Variants in TULP4 observed in about 807,000 individuals in gnomAD.
The protein encoded by TULP4 is tubby-related protein 4.
Under a neutral mutation model 129.0 loss-of-function variants are expected in TULP4, and 16 were observed. The observed-to-expected ratio is 0.12, with a 90% CI of 0.08 to 0.19. The LOEUF (loss-of-function observed/expected upper bound fraction) is 0.19. Among genes scored for constraint, TULP4 ranks in the 10% least tolerant of loss-of-function variants. TULP4 has a pLI of 1.00. For synonymous variants in TULP4, 998 were observed against 854.0 expected, an observed-to-expected ratio of 1.17 and a Z score of -2.94; for missense variants, 1,842 against 2,059.1, an observed-to-expected ratio of 0.89 and a Z score of 2.04.
In TULP4 at chr6:158,495,795, A is replaced by C. The variant is rs1780323703; in HGVS notation, c.1870+949A>C. Reference sequence around the variant, plus strand: ...GCGGAGGTTGCTGTGAGCCGAGATCACGCCACTGCACTCCAGCCTGGGCAA... The same window carrying C: ...GCGGAGGTTGCTGTGAGCCGAGATCCCGCCACTGCACTCCAGCCTGGGCAA... On this transcript the variant is annotated intron_variant, in intron 11 of 13. Transcript: ENST00000367097. Among the ~76,000 whole-genome samples the C allele has an allele frequency of 3.3e-5, 5 of 151,924 alleles. No homozygotes were observed. In the South Asian group the frequency reaches 1.0e-3, roughly 32 times the overall value.
intron 1 of TULP4, among the ~76,000 whole-genome samples, chr6:158,236,795 CTTTTTTTTTTTTTTTTTTTTTTT>C (rs71030149): frequency 8.1e-4 from 51 of 63,304 alleles, no homozygotes; most frequent in East Asian, 2.3e-3. Flanking sequence ...CAATTCTTTT[CTTTTTTTTTTTTTTTTTTTTTTT>C]TTTTTTTTTT....
intron 1 of TULP4, among the ~76,000 whole-genome samples, chr6:158,268,148 G>T (rs1778485061): frequency 6.7e-6 from 1 of 148,446 alleles, no homozygotes; most frequent in Non-Finnish European, 1.5e-5. Flanking sequence ...CGATTCTTCT[G>T]CCCCAGCCTC....
chr6:158,319,339 A>C (rs552024895), intron 1 of TULP4, among the ~76,000 whole-genome samples: 1 of 152,316 alleles, frequency 6.6e-6, no homozygotes, highest in South Asian at 2.1e-4. Context: ...ATTTAAGGGA[A>C]TCATCAAAAG....
At chr6:158,480,071 C>A in intron 7 of TULP4, 96 bp downstream of exon 7, 1 of 939,712 alleles carries the variant, frequency 1.1e-6, no homozygotes, top group Non-Finnish European at 1.6e-6. Context: ...AGAGTGAGCA[C>A]ATGGGGCCAT....
chr6:158,268,398 C>G (rs1229711558), intron 1 of TULP4, among the ~76,000 whole-genome samples: 1 of 152,118 alleles, frequency 6.6e-6, no homozygotes, highest in Non-Finnish European at 1.5e-5. Flanking sequence ...ATGGCTCATT[C>G]ATCATCCTGA....
rs187946542 is a variant in TULP4 at position 158,301,850 on chromosome 6, T to C, written n.117-10201T>C. On this transcript the variant is annotated intron_variant and non_coding_transcript_variant, in intron 1 of 1. Coordinates refer to the TULP4 transcript ENST00000432358. ...CACACAGCATAGAAAACAAGTTAGATGGCGCGTATGTTGAAATGCCTAAAG... is the reference window on the plus strand; with the variant it reads ...CACACAGCATAGAAAACAAGTTAGACGGCGCGTATGTTGAAATGCCTAAAG... Among the ~76,000 whole-genome samples the C allele has an allele frequency of 8.8e-5, 13 of 148,440 alleles. No individual in the cohort carries two copies. The Admixed American group carries it at 8.9e-4, about 10-fold the overall frequency.
At chr6:158,232,845 G>C (rs1040579595) in intron 1 of TULP4, among the ~76,000 whole-genome samples, 7 of 152,222 alleles carry the variant, frequency 4.6e-5, no homozygotes, top group Admixed American at 1.3e-4. Flanking sequence ...AAGCCCCCGG[G>C]CGAGCCGGGT....
At chr6:158,280,541 G>A (rs116975870), upstream of TULP4, among the ~76,000 whole-genome samples, 1,872 of 152,362 alleles carry the variant, frequency 0.012, 22 homozygotes, top group Admixed American at 0.026. Context: ...TGGTCAGGAG[G>A]AGTCCCTGCA....
chr6:158,381,573 G>A (rs1583818403), intron 1 of TULP4, among the ~76,000 whole-genome samples: 2 of 152,222 alleles, frequency 1.3e-5, no homozygotes, highest in South Asian at 4.1e-4. Context: ...CCATATTCCA[G>A]TCATAGGGCT....
chr6:158,347,067 G>A (rs1780330361), intron 1 of TULP4, among the ~76,000 whole-genome samples: 1 of 152,038 alleles, frequency 6.6e-6, no homozygotes, highest in Non-Finnish European at 1.5e-5. Flanking sequence ...TTTCTTATAG[G>A]GCTTTCAGCG....
At chr6:158,365,919 T>C (rs1217178345) in intron 1 of TULP4, among the ~76,000 whole-genome samples, 1 of 102,890 alleles carries the variant, frequency 9.7e-6, no homozygotes, top group African/African-American at 3.9e-5. Context: ...TTTTTTTTTT[T>C]TGAGATGGAG....
At position 158,502,209 on chromosome 6, in the gene TULP4, C is replaced by A. The variant is rs1474303069; in HGVS notation, c.2546C>A (p.Ala849Glu). ...ATCCCCGCTGCCCCCACCACAGCAG[C>A]ACCCCCGCCCCCTCTGCCGCCCCCA... ...GTIPAAPTTA[A>E]PPPPLPPPQP... The change falls in exon 13 of 14, where the codon GCA becomes GAA. Residue 849 changes from alanine (A) to glutamate (E), a missense_variant. By Grantham distance (107) the Ala-to-Glu change is moderately radical. This residue lies in a region of TULP4 where 1,089 missense variants were observed against 987.1 expected (regional missense o/e 1.10). Coordinates refer to ENST00000367097, the MANE Select transcript of TULP4 (RefSeq NM_020245.5). 1 of 1,493,974 alleles carries A rather than the reference C, an allele frequency of 6.7e-7. No individual in the cohort carries two copies. Among genetic ancestry groups the A allele is most frequent in the Non-Finnish European group, 9.0e-7 (1 of 1,107,874 alleles). 92.5% of individuals were successfully genotyped at this position (1,493,974 alleles called of 1,614,324 possible). A position where few individuals can be genotyped will look rare whatever the true frequency, so the allele number is the denominator to read the frequency against.
intron 1 of TULP4, chr6:158,238,179 G>C (rs994454767): frequency 3.8e-6 from 3 of 784,774 alleles, no homozygotes; most frequent in Admixed American, 3.5e-5. Flanking sequence ...ATATTCTCTT[G>C]AGAAATTTTC....
At chr6:158,324,720 G>A (rs56075516) in intron 1 of TULP4, among the ~76,000 whole-genome samples, 26,299 of 152,124 alleles carry the variant, frequency 0.17, 2,698 homozygotes, top group Middle Eastern at 0.25. Context: ...TCTCTCTACA[G>A]CTTTGTATTA....
chr6:158,322,970 G>A (rs563449687), intron 1 of TULP4, among the ~76,000 whole-genome samples: 2 of 152,292 alleles, frequency 1.3e-5, no homozygotes, highest in South Asian at 2.1e-4. Context: ...GATTTAGCAC[G>A]TTTAGCGCGT....
At chr6:158,430,692 G>A (rs531283932) in intron 3 of TULP4, among the ~76,000 whole-genome samples, 218 of 152,296 alleles carry the variant, frequency 1.4e-3, no homozygotes, top group African/African-American at 5.0e-3. Flanking sequence ...GTTGCAGTGA[G>A]CCAGGATTGT....
At chr6:158,462,139 T>C (rs929286150) in intron 6 of TULP4, among the ~76,000 whole-genome samples, 1 of 152,226 alleles carries the variant, frequency 6.6e-6, no homozygotes, top group Non-Finnish European at 1.5e-5. Flanking sequence ...CTTGTGTATC[T>C]CCTGCATACG....
In TULP4 at chr6:158,429,801, C is replaced by T. The variant is rs1778587682; in HGVS notation, c.447C>T (p.Val149=). The change falls in exon 3 of 14, where the codon GTC becomes GTT. Residue 149 remains valine, a synonymous_variant. Coordinates refer to ENST00000367097, the MANE Select transcript of TULP4 (RefSeq NM_020245.5). ...TTATTTCCTATCGAGATGGGTTTGTCCTGGTTGGGTCTGTCAGTGGACAAA... is the reference window on the plus strand; with the variant it reads ...TTATTTCCTATCGAGATGGGTTTGTTCTGGTTGGGTCTGTCAGTGGACAAA... ...QALISYRDGF[V]LVGSVSGQRH... is the part of the protein sequence containing the mutation. The T allele has an allele frequency of 1.9e-6, 3 of 1,614,036 alleles. No homozygotes were observed. Among genetic ancestry groups the T allele is most frequent in the East Asian group, 2.2e-5 (1 of 44,872 alleles).
At chr6:158,309,819 A>G (rs1044392973), upstream of TULP4, among the ~76,000 whole-genome samples, 1 of 148,936 alleles carries the variant, frequency 6.7e-6, no homozygotes, top group African/African-American at 2.4e-5. Context: ...GGGAGGTTGC[A>G]GTGAGCCGAG....
Sources: allele counts gnomAD v4.1 joint callset (sites outside exome capture counted in the v4.1 genomes callset), GRCh38; gene constraint gnomAD v4.1.1; regional missense constraint gnomAD v4.1.1; transcripts MANE v1.5; gene names NCBI Gene and HGNC (gene_info 2026-07-23, HGNC 2026-07-21).